The following ANKS1B variants were observed in gnomAD, a reference collection of about 807,000 sequenced individuals.
ANKS1B encodes ankyrin repeat and sterile alpha motif domain containing 1B.
In ANKS1B, 36 loss-of-function variants were observed where a neutral mutation model predicts 148.3. The ratio of observed to expected loss-of-function variants is 0.24; its 90% confidence interval spans 0.19 to 0.32. The LOEUF is 0.32. ANKS1B is among the 10% of genes least tolerant of loss of function. The probability of loss-of-function intolerance (pLI) is 1.00; values close to 1 mark genes in which losing one functional copy is unlikely to be tolerated. For synonymous variants in ANKS1B, 542 were observed against 560.8 expected (o/e 0.97, Z 0.47); for missense variants, 1,157 against 1,542.6 (o/e 0.75, Z 4.19).
intron 9 of ANKS1B, among the ~76,000 whole-genome samples, chr12:99,511,959 C>T (rs1036107928): frequency 6.6e-6 from 1 of 151,846 alleles, no homozygotes; most frequent in African/African-American, 2.4e-5. Flanking sequence ...CTATAAAAAC[C>T]CTAGAAGAAA....
chr12:98,812,865 A>T (rs922370658), intron 19 of ANKS1B, among the ~76,000 whole-genome samples: 12 of 152,114 alleles, frequency 7.9e-5, no homozygotes, highest in South Asian at 2.1e-4. Context: ...TTATTTTTTT[A>T]AAAAATCGGA....
chr12:99,805,016 A>G (rs1405397214), intron 4 of ANKS1B, among the ~76,000 whole-genome samples: 2 of 152,140 alleles, frequency 1.3e-5, no homozygotes, highest in Non-Finnish European at 2.9e-5. Context: ...TTCACACACA[A>G]GAGAACACAG....
chr12:99,356,080 G>T (rs1033857093), intron 12 of ANKS1B, among the ~76,000 whole-genome samples: 1 of 152,034 alleles, frequency 6.6e-6, no homozygotes, highest in Non-Finnish European at 1.5e-5. Flanking sequence ...GGTCAGTAAG[G>T]AGTAAAGGGT....
intron 25 of ANKS1B, among the ~76,000 whole-genome samples, chr12:98,765,122 C>T (rs975247248): frequency 2.0e-5 from 3 of 152,228 alleles, no homozygotes; most frequent in Non-Finnish European, 4.4e-5. Flanking sequence ...TTCTGCTATT[C>T]TCTGTGTCCT....
intron 9 of ANKS1B, among the ~76,000 whole-genome samples, chr12:99,523,639 C>T (rs576802456): frequency 3.3e-5 from 5 of 151,486 alleles, no homozygotes; most frequent in South Asian, 4.2e-4. Flanking sequence ...CTGCAAGCTC[C>T]GCCTCCTGGG....
intron 11 of ANKS1B, among the ~76,000 whole-genome samples, chr12:99,417,640 T>C (rs2094948741): frequency 6.6e-6 from 1 of 152,138 alleles, no homozygotes; most frequent in Non-Finnish European, 1.5e-5. Context: ...TTTGGAACAA[T>C]TTACATCTTT....
intron 12 of ANKS1B, among the ~76,000 whole-genome samples, chr12:99,291,471 C>G (rs1232010458): frequency 2.6e-5 from 4 of 152,158 alleles, no homozygotes; most frequent in Admixed American, 6.5e-5. Context: ...CTGGAGGAAT[C>G]ACATTACCAG....
At chr12:99,637,477 G>T (rs527998448) in intron 9 of ANKS1B, among the ~76,000 whole-genome samples, 87 of 152,260 alleles carry the variant, frequency 5.7e-4, no homozygotes, top group African/African-American at 1.9e-3. Flanking sequence ...GTCTGTGAGG[G>T]TGTTGCCAAA....
chr12:99,275,621 TTGGCTATTGTGAATAG>T (rs1333444136), intron 12 of ANKS1B, among the ~76,000 whole-genome samples: 1 of 152,208 alleles, frequency 6.6e-6, no homozygotes, highest in Non-Finnish European at 1.5e-5. Flanking sequence ...TTTCCAAATC[TTGGCTATTGTGAATAG>T]TGCTGCAACG....
chr12:99,709,568 C>T (rs534845294), intron 8 of ANKS1B, among the ~76,000 whole-genome samples: 6 of 152,156 alleles, frequency 3.9e-5, no homozygotes, highest in African/African-American at 1.4e-4. Context: ...GTAACTTTTC[C>T]AAGTTTGCCA....
At chr12:99,983,972 G>A in intron 1 of ANKS1B, 132 bp downstream of exon 1, 2 of 773,956 alleles carry the variant, frequency 2.6e-6, no homozygotes, top group South Asian at 2.0e-5. Flanking sequence ...CATACACGCA[G>A]TCTGTTTTCC....
chr12:99,475,552 G>A (rs548246367), intron 10 of ANKS1B, among the ~76,000 whole-genome samples: 1 of 151,434 alleles, frequency 6.6e-6, no homozygotes, highest in Non-Finnish European at 1.5e-5. Flanking sequence ...ATATTAAAAG[G>A]GCAATTCCCC....
chr12:99,271,604 G>A (rs1420703214), intron 12 of ANKS1B, among the ~76,000 whole-genome samples: 1 of 141,088 alleles, frequency 7.1e-6, no homozygotes, highest in Non-Finnish European at 1.5e-5. Flanking sequence ...TTAAAAAGTT[G>A]TTCACCCACA....
intron 26 of ANKS1B, among the ~76,000 whole-genome samples, chr12:98,749,954 C>T (rs562823782): frequency 3.3e-5 from 5 of 152,002 alleles, no homozygotes; most frequent in Non-Finnish European, 7.4e-5. Context: ...AGACAGGGAT[C>T]CAGGCTGACT....
intron 17 of ANKS1B, among the ~76,000 whole-genome samples, chr12:98,907,711 A>T (rs1182134729): frequency 6.6e-6 from 1 of 152,118 alleles, no homozygotes; most frequent in African/African-American, 2.4e-5. Context: ...CCCAAATCTC[A>T]TCTTGAATTG....
intron 11 of ANKS1B, among the ~76,000 whole-genome samples, chr12:99,440,416 G>T (rs907707195): frequency 1.6e-4 from 25 of 151,720 alleles, no homozygotes; most frequent in African/African-American, 5.6e-4. Context: ...ATATTTCAAA[G>T]ATTTTTTTTT....
intron 17 of ANKS1B, among the ~76,000 whole-genome samples, chr12:98,933,031 T>C (rs1003594239): frequency 1.3e-5 from 2 of 152,226 alleles, no homozygotes; most frequent in African/African-American, 2.4e-5. Context: ...AAGTGTACAT[T>C]ATTGTTGACT....
rs531903919 is a variant in ANKS1B at position 99,578,646 on chromosome 12, G to A, written c.1273-74005C>T. On this transcript the variant is annotated intron_variant, in intron 9 of 26. Transcript: ENST00000683438. ...GCCTAGGAATACAGGTAACCAGGGA[G>A]GTGAAAGATCACTACAATTAGAATT... 8.5e-5 allele frequency among the ~76,000 whole-genome samples: 13 copies of A among 152,136 alleles called. 2 individuals are homozygous for A. The East Asian group carries it at 2.5e-3, about 29-fold the overall frequency.
chr12:99,270,638 G>A (rs1332643756), intron 12 of ANKS1B, among the ~76,000 whole-genome samples: 1 of 152,148 alleles, frequency 6.6e-6, no homozygotes, highest in Admixed American at 6.5e-5. Context: ...GTACCTGTAA[G>A]AGTTCCCTGG....
Sources: gnomAD v4.1 joint callset for allele counts (sites outside exome capture counted in the v4.1 genomes callset) on GRCh38, gnomAD v4.1.1 for gene constraint, MANE v1.5 for transcripts, NCBI Gene and HGNC (gene_info 2026-07-23, HGNC 2026-07-21) for gene names.